The following CNBD1 variants were observed in gnomAD, a reference collection of about 807,000 sequenced individuals.
The protein encoded by CNBD1 is cyclic nucleotide binding domain containing 1.
A neutral mutation model predicts 54.4 loss-of-function variants in CNBD1; 71 were observed. That is an observed-to-expected ratio of 1.30 (90% CI 1.08 to 1.59). CNBD1 has a LOEUF of 1.59. CNBD1 is among the 40% of genes most tolerant of loss of function. The probability of loss-of-function intolerance (pLI) is 0.00; values close to 1 mark genes in which losing one functional copy is unlikely to be tolerated. For missense variants in CNBD1, 659 were observed against 518.0 expected, an observed-to-expected ratio of 1.27 and a Z score of -2.64; for synonymous variants, 182 against 170.7, an observed-to-expected ratio of 1.07 and a Z score of -0.51.
At chr8:87,102,442 G>T (rs1811447213) in intron 4 of CNBD1, among the ~76,000 whole-genome samples, 1 of 152,168 alleles carries the variant, frequency 6.6e-6, no homozygotes, top group African/African-American at 2.4e-5. Flanking sequence ...GAAGGCCATT[G>T]TAATTATAGT....
intron 8 of CNBD1, among the ~76,000 whole-genome samples, chr8:87,346,573 G>T (rs1367523276): frequency 6.6e-6 from 1 of 151,800 alleles, no homozygotes; most frequent in Non-Finnish European, 1.5e-5. Context: ...CACATAGAAA[G>T]TATACATATA....
At chr8:87,402,014 C>T (rs1466702375) in intron 2 of CNBD1, among the ~76,000 whole-genome samples, 1 of 151,774 alleles carries the variant, frequency 6.6e-6, no homozygotes, top group Non-Finnish European at 1.5e-5. Flanking sequence ...CCTGGTAATC[C>T]ATAAAGAAAA....
intron 1 of CNBD1, among the ~76,000 whole-genome samples, chr8:86,886,450 G>A (rs939836157): frequency 6.6e-6 from 1 of 152,066 alleles, no homozygotes; most frequent in African/African-American, 2.4e-5. Flanking sequence ...TATATGATAT[G>A]ATATGGATAT....
At chr8:87,331,568 T>A (rs1255527353) in intron 8 of CNBD1, among the ~76,000 whole-genome samples, 1 of 152,166 alleles carries the variant, frequency 6.6e-6, no homozygotes, top group Non-Finnish European at 1.5e-5. Flanking sequence ...GTCCCTCTGG[T>A]TATATACCCA....
At chr8:87,037,197 G>C (rs1809967527) in intron 4 of CNBD1, among the ~76,000 whole-genome samples, 1 of 152,108 alleles carries the variant, frequency 6.6e-6, no homozygotes, top group African/African-American at 2.4e-5. Context: ...TCTGGAGTTT[G>C]ATGCCATTGT....
intron 4 of CNBD1, among the ~76,000 whole-genome samples, chr8:87,027,922 T>A (rs1303108021): frequency 6.6e-6 from 1 of 152,182 alleles, no homozygotes; most frequent in African/African-American, 2.4e-5. Flanking sequence ...ATGCTTCCTC[T>A]CTCTCTCAGT....
intron 4 of CNBD1, among the ~76,000 whole-genome samples, chr8:87,059,508 A>G (rs895899214): frequency 6.6e-6 from 1 of 152,192 alleles, no homozygotes. Flanking sequence ...AGTTCTGCAG[A>G]GCTGGGGAGG....
chr8:87,361,537 C>G (rs1033754279), intron 10 of CNBD1, among the ~76,000 whole-genome samples: 2 of 151,544 alleles, frequency 1.3e-5, no homozygotes, highest in African/African-American at 4.8e-5. Context: ...ATATTGATAT[C>G]TAATGTTTAT....
downstream of CNBD1, among the ~76,000 whole-genome samples, chr8:87,385,200 G>A (rs977068223): frequency 1.3e-5 from 2 of 152,130 alleles, no homozygotes; most frequent in African/African-American, 2.4e-5. Flanking sequence ...GAGTAACGCA[G>A]AAGATGGGTG....
intron 8 of CNBD1, among the ~76,000 whole-genome samples, chr8:87,325,858 G>T (rs941677533): frequency 4.2e-5 from 6 of 144,320 alleles, no homozygotes; most frequent in African/African-American, 1.0e-4. Flanking sequence ...GATGTTAGCT[G>T]GTGATTTTGC....
intron 5 of CNBD1, among the ~76,000 whole-genome samples, chr8:87,235,982 G>T (rs754638568): frequency 6.6e-6 from 1 of 152,006 alleles, no homozygotes; most frequent in Admixed American, 6.6e-5. Flanking sequence ...TGTATGAATT[G>T]TGACTAAGAA....
In CNBD1 at chr8:87,375,011, A is replaced by T. The variant is rs1586059564; in HGVS notation, c.1304-7609A>T. ...AATTTCTGGATTAGAACATAAAATAAATATGCTTTTTGTGATTATTCTTTT... is the reference window on the plus strand; with the variant it reads ...AATTTCTGGATTAGAACATAAAATATATATGCTTTTTGTGATTATTCTTTT... On this transcript the variant is annotated intron_variant, in intron 10 of 10. Transcript: ENST00000518476. Among the ~76,000 whole-genome samples, 4 of 150,664 alleles carry T rather than the reference A, an allele frequency of 2.7e-5. 1 individual carries two copies. The highest frequency in any genetic ancestry group is 2.6e-4 in the Admixed American group (4 of 15,138).
chr8:87,204,512 G>T (rs1813928553), intron 4 of CNBD1, among the ~76,000 whole-genome samples: 1 of 152,108 alleles, frequency 6.6e-6, no homozygotes, highest in Admixed American at 6.6e-5. Flanking sequence ...CTTTTCTAGA[G>T]CCTCTCTATT....
chr8:87,371,295 T>G lies in CNBD1; in HGVS notation c.1304-11325T>G, dbSNP rs764040186. Among the ~76,000 whole-genome samples, 22 of 152,180 alleles carry G rather than the reference T, an allele frequency of 1.4e-4. No homozygotes were observed. In the Middle Eastern group the frequency reaches 0.01, roughly 71 times the overall value. ...CATTGGTAGCTTGATGGGGATGGCA[T>G]TGAATCTATAAATTACCTTGGGCAG... On this transcript the variant is annotated intron_variant, in intron 10 of 10. Coordinates refer to ENST00000518476, the MANE Select transcript of CNBD1 (RefSeq NM_173538.3).
intron 4 of CNBD1, among the ~76,000 whole-genome samples, chr8:87,021,338 C>A (rs1303198655): frequency 6.6e-6 from 1 of 152,058 alleles, no homozygotes; most frequent in African/African-American, 2.4e-5. Context: ...TTCTCATTGT[C>A]TGGGAATACT....
chr8:87,108,430 C>A, intron 4 of CNBD1, among the ~76,000 whole-genome samples: 1 of 152,100 alleles, frequency 6.6e-6, no homozygotes, highest in East Asian at 1.9e-4. Context: ...ATTCATGGAG[C>A]TTTTAAAGTA....
chr8:86,924,710 ATACT>A (rs1027791755), intron 3 of CNBD1, among the ~76,000 whole-genome samples: 4 of 152,190 alleles, frequency 2.6e-5, no homozygotes, highest in Non-Finnish European at 5.9e-5. Context: ...TATTTTATAA[ATACT>A]TATTAATATA....
intron 4 of CNBD1, among the ~76,000 whole-genome samples, chr8:87,094,393 T>C (rs1345330873): frequency 6.6e-6 from 1 of 151,542 alleles, no homozygotes; most frequent in Non-Finnish European, 1.5e-5. Flanking sequence ...TTTTTATTTT[T>C]GTATTATTAT....
intron 10 of CNBD1, among the ~76,000 whole-genome samples, chr8:87,367,679 C>G (rs1398398254): frequency 1.3e-5 from 2 of 152,106 alleles, no homozygotes; most frequent in Non-Finnish European, 2.9e-5. Context: ...ATGTTCACAA[C>G]AACCCATTGA....
Sources: gnomAD v4.1 joint callset for allele counts (sites outside exome capture counted in the v4.1 genomes callset) on GRCh38, gnomAD v4.1.1 for gene constraint, MANE v1.5 for transcripts, NCBI Gene and HGNC (gene_info 2026-07-23, HGNC 2026-07-21) for gene names.